The following DNAH14 variants were observed in gnomAD, a reference collection of about 807,000 sequenced individuals.
DNAH14 encodes the protein axonemal beta dynein heavy chain 14.
In DNAH14, 478 loss-of-function variants were observed where a neutral mutation model predicts 520.9. The ratio of observed to expected loss-of-function variants is 0.92; its 90% CI spans 0.85 to 0.99. The LOEUF is 0.99. Among genes scored for constraint, DNAH14 ranks in the 50% least tolerant of loss-of-function variants. The probability of loss-of-function intolerance (pLI) is 0.00; values close to 1 mark genes in which losing one functional copy is unlikely to be tolerated. For missense variants in DNAH14, 4,831 were observed against 5,234.5 expected, an observed-to-expected ratio of 0.92 and a Z score of 2.38; for synonymous variants, 1,581 against 1,757.2, an observed-to-expected ratio of 0.90 and a Z score of 2.51.
intron 77 of DNAH14, among the ~76,000 whole-genome samples, chr1:225,370,367 T>C (rs1164882522): frequency 6.7e-6 from 1 of 148,620 alleles, no homozygotes; most frequent in Admixed American, 6.7e-5. Flanking sequence ...AAAAGTAAAA[T>C]ATATATATAT....
chr1:224,957,204 T>C (rs2060571982), intron 3 of DNAH14, among the ~76,000 whole-genome samples: 1 of 151,960 alleles, frequency 6.6e-6, no homozygotes, highest in Admixed American at 6.6e-5. Context: ...GAAGGAGGTG[T>C]CAAAGATGAT....
Position 225,207,114 on chromosome 1 carries a change from G to A in DNAH14, c.6333G>A (p.Gln2111=). ...GACTACAATTTATAAGGAATCGTCA[G>A]AAATTTCAGCCATATCCTATGGAGG... ...TDGLQFIRNR[Q]KFQPYPMEDI... is the part of the protein sequence containing the mutation. The change falls in exon 41 of 86, where the codon CAG becomes CAA. Residue 2111 remains glutamine (Q), a synonymous_variant. Coordinates refer to ENST00000682510, the MANE Select transcript of DNAH14 (RefSeq NM_001367479.1). 6.4e-7 allele frequency: 1 copy of A among 1,551,086 alleles called. No homozygotes were observed. Among genetic ancestry groups the A allele is most frequent in the South Asian group, 1.2e-5 (1 of 84,010 alleles).
chr1:225,049,209 A>G (rs962360408), intron 15 of DNAH14, among the ~76,000 whole-genome samples: 18 of 151,574 alleles, frequency 1.2e-4, no homozygotes, highest in African/African-American at 4.4e-4. Flanking sequence ...CAGGTGGCCC[A>G]CCACCACGCC....
chr1:224,956,727 G>T (rs2060538096), intron 3 of DNAH14, among the ~76,000 whole-genome samples: 1 of 152,222 alleles, frequency 6.6e-6, no homozygotes, highest in Admixed American at 6.5e-5. Flanking sequence ...TCTGCCTGAA[G>T]ATGGGTATAT....
intron 60 of DNAH14, among the ~76,000 whole-genome samples, chr1:225,309,649 C>T (rs986724272): frequency 6.6e-6 from 1 of 152,124 alleles, no homozygotes; most frequent in Non-Finnish European, 1.5e-5. Flanking sequence ...AATCCCAGCA[C>T]TTTGGGAGGC....
At chr1:225,106,826 C>G (rs1028153066) in intron 23 of DNAH14, among the ~76,000 whole-genome samples, 1 of 152,048 alleles carries the variant, frequency 6.6e-6, no homozygotes, top group Non-Finnish European at 1.5e-5. Flanking sequence ...TTGGTTCTAC[C>G]TTCCTCCTTT....
intron 64 of DNAH14, among the ~76,000 whole-genome samples, chr1:225,330,303 G>A (rs149714160): frequency 0.014 from 2,100 of 152,258 alleles, 47 homozygotes; most frequent in African/African-American, 0.048. Context: ...CTACTGCTGG[G>A]TATATACCCA....
Position 225,308,408 on chromosome 1 carries a change from C to T in DNAH14, c.9238C>T (p.Gln3080Ter), listed in dbSNP as rs1194547631. ...AGTAAGAATTGTGGAAGATTATGCT[C>T]AGGTAAAATTAAAATATTGTCAATA... ...EEVRIVEDYA[Q>*]KTANELKSVL... The change falls in exon 60 of 86, where the codon CAG becomes TAG. Residue 3080 changes from glutamine (Q) to a stop codon, truncating the protein, a stop_gained and splice_region_variant. Coordinates refer to ENST00000682510, the MANE Select transcript of DNAH14 (RefSeq NM_001367479.1). LOFTEE classifies it high-confidence loss of function. 1.3e-6 allele frequency: 2 copies of T among 1,513,260 alleles called. No homozygotes were observed. The highest frequency in any genetic ancestry group is 1.8e-6 in the Non-Finnish European group (2 of 1,136,290). The allele number at this position is 1,513,260 out of a possible 1,614,324, so 93.7% of individuals were successfully genotyped here. A position where few individuals can be genotyped will look rare whatever the true frequency, so the allele number is the denominator to read the frequency against.
chr1:225,166,072 T>A (rs1332081535), intron 35 of DNAH14, among the ~76,000 whole-genome samples: 2 of 152,162 alleles, frequency 1.3e-5, no homozygotes, highest in Non-Finnish European at 2.9e-5. Context: ...TTGGCAAGTT[T>A]TGCTTTCTCT....
chr1:225,001,234 C>A (rs778600454), intron 8 of DNAH14, among the ~76,000 whole-genome samples: 1 of 151,982 alleles, frequency 6.6e-6, no homozygotes, highest in Non-Finnish European at 1.5e-5. Context: ...AGCCACCTTG[C>A]TTTTTCTTCC....
At chr1:225,242,004 G>T (rs1558132662) in intron 43 of DNAH14, among the ~76,000 whole-genome samples, 1 of 152,268 alleles carries the variant, frequency 6.6e-6, no homozygotes, top group East Asian at 1.9e-4. Flanking sequence ...CAGGAGGATT[G>T]CTTGAGCCAG....
At chr1:224,948,466 C>T (rs780052990) in intron 1 of DNAH14, among the ~76,000 whole-genome samples, 13 of 151,612 alleles carry the variant, frequency 8.6e-5, no homozygotes, top group South Asian at 8.3e-4. Flanking sequence ...CTTTATGTTT[C>T]GGAAATTTGT....
At position 225,141,005 on chromosome 1, in the gene DNAH14, G is replaced by A. The variant is rs1453727864; in HGVS notation, c.4492G>A (p.Asp1498Asn). Residue 1498 changes from aspartate (D) to asparagine (N), a missense_variant, in exon 28 of 86, where the codon GAT becomes AAT. Transcript: ENST00000682510. Reference sequence around the variant, plus strand: ...ACTTAAAAATATCTTCAATGCAGAGGATTTTGAGTGGACAAGGTAGGTGGA... The same window carrying A: ...ACTTAAAAATATCTTCAATGCAGAGAATTTTGAGTGGACAAGGTAGGTGGA... ...LLLKNIFNAEDFEWTRHLQYK... is the reference protein window; with the variant it reads ...LLLKNIFNAENFEWTRHLQYK... 3.4e-5 allele frequency: 53 copies of A among 1,546,410 alleles called. No individual in the cohort carries two copies. The East Asian group carries it at 4.9e-4, about 14-fold the overall frequency.
intron 15 of DNAH14, among the ~76,000 whole-genome samples, chr1:225,049,402 G>A (rs2068288386): frequency 6.6e-6 from 1 of 151,756 alleles, no homozygotes; most frequent in Non-Finnish European, 1.5e-5. Flanking sequence ...CTTATTGTTG[G>A]TTTGTGAGAG....
rs754339808 is a variant in DNAH14, at chr1:225,144,465, C to G, written c.4577C>G (p.Thr1526Ser). The G allele has an allele frequency of 9.0e-6, 14 of 1,551,388 alleles. No homozygotes were observed. Among genetic ancestry groups the G allele is most frequent in the South Asian group, 1.2e-5 (1 of 84,058 alleles). The stretch of plus-strand genomic sequence containing the variant: ...GTGTCTCAAGGAAATGCCAGCTTTA[C>G]TTATGGCTATGAGTACTTGGGCTGT... ...CYVSQGNASF[T>S]YGYEYLGCTS... The change falls in exon 29 of 86, where the codon ACT becomes AGT. Residue 1526 changes from threonine (T) to serine (S), a missense_variant. Transcript: ENST00000682510.
rs538639998 is a variant in DNAH14 at position 224,952,765 on chromosome 1, C to A, written c.63C>A (p.Thr21=). Residue 21 remains threonine (T), a synonymous_variant, in exon 2 of 86, where the codon ACC becomes ACA. Coordinates refer to ENST00000682510, the MANE Select transcript of DNAH14 (RefSeq NM_001367479.1). ...TENQEMDKEE[T]KTKPRLLRYE... ...ATCAAGAGATGGACAAGGAGGAAAC[C>A]AAGACAAAACCAAGGTAAAAGTAAG... 2 of 1,598,004 alleles carry A rather than the reference C, an allele frequency of 1.3e-6. No homozygotes were observed. Among genetic ancestry groups the A allele is most frequent in the Non-Finnish European group, 1.7e-6 (2 of 1,171,844 alleles).
chr1:225,385,907 A>G (rs918962522), intron 81 of DNAH14, among the ~76,000 whole-genome samples: 1 of 152,236 alleles, frequency 6.6e-6, no homozygotes, highest in Non-Finnish European at 1.5e-5. Flanking sequence ...ACCAAAAAAG[A>G]GCCCACATTG....
At chr1:225,195,590 C>T (rs2086026685) in intron 38 of DNAH14, among the ~76,000 whole-genome samples, 1 of 150,854 alleles carries the variant, frequency 6.6e-6, no homozygotes, top group African/African-American at 2.4e-5. Context: ...TATACCAAAC[C>T]CCCGAGACAC....
chr1:225,125,074 T>G (rs546407712), intron 27 of DNAH14, among the ~76,000 whole-genome samples: 2 of 152,330 alleles, frequency 1.3e-5, no homozygotes, highest in East Asian at 3.9e-4. Context: ...AACAGTGGGC[T>G]TAAAATATTC....
Sources: allele counts gnomAD v4.1 joint callset (sites outside exome capture counted in the v4.1 genomes callset), GRCh38; gene constraint gnomAD v4.1.1; transcripts MANE v1.5; gene names NCBI Gene and HGNC (gene_info 2026-07-23, HGNC 2026-07-21).